The following SERPING1 variants were observed in gnomAD, a reference collection of about 807,000 sequenced individuals.
The protein encoded by SERPING1 is serpin family G member 1.
SERPING1 carries 5 observed loss-of-function variants against 34.1 expected under a neutral mutation model. The observed-to-expected ratio is 0.15, with a 90% CI of 0.08 to 0.31. The LOEUF (loss-of-function observed/expected upper bound fraction) is 0.31. SERPING1 is among the 10% of genes least tolerant of loss of function. SERPING1 has a pLI of 1.00. For synonymous variants in SERPING1, 225 were observed against 242.4 expected (o/e 0.93, Z 0.67); for missense variants, 505 against 609.5 (o/e 0.83, Z 1.81).
At chr11:57,598,188 G>GGGGTGGGGGCCCC in intron 1 of SERPING1, 61 bp from the exon 2 acceptor site, 2 of 1,334,952 alleles carry the variant, frequency 1.5e-6, no homozygotes, top group South Asian at 2.7e-5. Context: ...GGCCCCGGGC[G>GGGGTGGGGGCCCC]GGGTGGGGGC....
At chr11:57,600,596 T>C (rs965387340) in intron 3 of SERPING1, among the ~76,000 whole-genome samples, 4 of 152,224 alleles carry the variant, frequency 2.6e-5, no homozygotes, top group African/African-American at 9.6e-5. Context: ...TCTGTGACTA[T>C]ACAAGAACAT....
intron 6 of SERPING1, among the ~76,000 whole-genome samples, chr11:57,609,307 A>G (rs1307086125): frequency 6.6e-6 from 1 of 152,030 alleles, no homozygotes; most frequent in Non-Finnish European, 1.5e-5. Flanking sequence ...GGCTGGGTAC[A>G]GTGGCTCACG....
At chr11:57,600,515 G>A (rs2135309022) in intron 3 of SERPING1, 138 bp downstream of exon 3, 1 of 897,254 alleles carries the variant, frequency 1.1e-6, no homozygotes, top group Non-Finnish European at 1.8e-6. Flanking sequence ...TGGGGTAGAG[G>A]GATGTATCTT....
rs201188641 is a variant in SERPING1 at position 57,602,154 on chromosome 11, A to G, written c.670A>G (p.Ile224Val). Residue 224 changes from isoleucine (I) to valine (V), a missense_variant, in exon 4 of 8, where the codon ATC (isoleucine) becomes GTC (valine). Transcript: ENST00000278407. The part of the protein sequence containing the change: ...TTKGVTSVSQ[I>V]FHSPDLAIRD... ...CAAAGGTGTCACCTCAGTCTCTCAG[A>G]TCTTCCACAGCCCAGGTGAGTGCCC... 89 of 1,614,092 alleles carry G rather than the reference A, an allele frequency of 5.5e-5. 1 individual carries two copies. The highest frequency in any genetic ancestry group is 7.3e-5 in the Non-Finnish European group (86 of 1,180,042).
At chr11:57,598,640 G>C (rs181380115) in intron 2 of SERPING1, among the ~76,000 whole-genome samples, 2 of 152,300 alleles carry the variant, frequency 1.3e-5, no homozygotes, top group East Asian at 1.9e-4. Context: ...CACCAAGCAG[G>C]CTTGGCAGGA....
rs1175033080 is a variant in SERPING1 at position 57,602,018 on chromosome 11, T to A, written c.551-17T>A. ...ACTCATCCTGCAAGTATCTTTCATCTCTGCCCTTTGTTGCAGGGGCTGGGG... is the reference window on the plus strand; with the variant it reads ...ACTCATCCTGCAAGTATCTTTCATCACTGCCCTTTGTTGCAGGGGCTGGGG... On this transcript the variant is annotated splice_polypyrimidine_tract_variant and intron_variant, in intron 3 of 7. Transcript: ENST00000278407. 4 of 1,614,128 alleles carry A rather than the reference T, an allele frequency of 2.5e-6. No individual in the cohort carries two copies. The highest frequency in any genetic ancestry group is 3.4e-6 in the Non-Finnish European group (4 of 1,180,016).
chr11:57,601,968 C>A lies in SERPING1; in HGVS notation c.551-67C>A, dbSNP rs139988368. On this transcript the variant is annotated intron_variant, in intron 3 of 7. Coordinates refer to ENST00000278407, the MANE Select transcript of SERPING1 (RefSeq NM_000062.3). The stretch of plus-strand genomic sequence containing the variant: ...CCCTCCATTCCAGCCTGGTCCCCAA[C>A]CCTCATTCCCAAGGAAGGCCCCCGA... 6.3e-6 allele frequency: 10 copies of A among 1,599,880 alleles called. No homozygotes were observed. In the Admixed American group the frequency reaches 1.5e-4, roughly 24 times the overall value.
intron 6 of SERPING1, among the ~76,000 whole-genome samples, chr11:57,609,027 C>T (rs760893271): frequency 1.4e-4 from 21 of 152,004 alleles, no homozygotes; most frequent in Non-Finnish European, 2.8e-4. Flanking sequence ...GCCTATAATC[C>T]CAGCACTTTA....
intron 7 of SERPING1, among the ~76,000 whole-genome samples, chr11:57,612,706 C>T (rs189368082): frequency 5.3e-4 from 79 of 148,246 alleles, no homozygotes; most frequent in Middle Eastern, 4.1e-3. Context: ...CATGAGTCAC[C>T]GCGCCCAGCC....
chr11:57,599,967 C>T lies in SERPING1; in HGVS notation c.140C>T (p.Thr47Ile). Residue 47 changes from threonine (T) to isoleucine (I), a missense_variant, in exon 3 of 8, where the codon ACA becomes ATA. Physicochemically the swap from Thr to Ile is moderately conservative, Grantham distance 89. Transcript: ENST00000278407. ...GACAGAGGCGAAGGGAAGGTCGCAA[C>T]AACAGTTATCTCCAAGATGCTATTC... ...LQDRGEGKVA[T>I]TVISKMLFVE... The T allele has an allele frequency of 6.2e-7, 1 of 1,614,182 alleles. No homozygotes were observed. Among genetic ancestry groups the T allele is most frequent in the Non-Finnish European group, 8.5e-7 (1 of 1,180,034 alleles).
In SERPING1 at chr11:57,606,000, A is replaced by G; in HGVS notation, c.686-10A>G. 1 of 1,613,498 alleles carries G rather than the reference A, an allele frequency of 6.2e-7. No individual in the cohort carries two copies. ...AGGACTCATGCCTCCCTTTCTCAAC[A>G]TACCCCCAGACCTGGCCATAAGGGA... On this transcript the variant is annotated splice_polypyrimidine_tract_variant and intron_variant, in intron 4 of 7. Transcript: ENST00000278407.
At chr11:57,598,952 C>T (rs1945317618) in intron 2 of SERPING1, among the ~76,000 whole-genome samples, 1 of 151,684 alleles carries the variant, frequency 6.6e-6, no homozygotes, top group Non-Finnish European at 1.5e-5. Context: ...TGTGTGCACG[C>T]GCAAGTTGGT....
rs2454659 is a variant in SERPING1 at position 57,608,657 on chromosome 11, T to C, written c.1029+2110T>C. On this transcript the variant is annotated intron_variant, in intron 6 of 7. Transcript: ENST00000278407. ...CCTCCCTAGTAGCTGGGATTATAGGTGCCTGCCACCACTCCCAGCTAATTT... is the reference window on the plus strand; with the variant it reads ...CCTCCCTAGTAGCTGGGATTATAGGCGCCTGCCACCACTCCCAGCTAATTT... Among the ~76,000 whole-genome samples, 91,071 of 151,654 alleles carry C rather than the reference T, an allele frequency of 0.6. 28,172 individuals are homozygous for C. The highest frequency in any genetic ancestry group is 0.69 in the Non-Finnish European group (46,715 of 67,860).
At chr11:57,611,678 C>A (rs746674351) in intron 6 of SERPING1, 39 bp from the exon 7 acceptor site, 13 of 1,570,348 alleles carry the variant, frequency 8.3e-6, no homozygotes, top group South Asian at 1.1e-5. Context: ...GAGAGAGATG[C>A]GGTAGGAAGA....
At position 57,606,087 on chromosome 11, in the gene SERPING1, A is replaced by C; in HGVS notation, c.763A>C (p.Ser255Arg). The change falls in exon 5 of 8, where the codon AGT becomes CGT. Residue 255 changes from serine to arginine, a missense_variant. Physicochemically the swap from Ser to Arg is moderately radical, Grantham distance 110. Coordinates refer to ENST00000278407, the MANE Select transcript of SERPING1 (RefSeq NM_000062.3). ...CAGCCCCAGAGTCCTAAGCAACAACAGTGACGCCAACTTGGAGCTCATCAA... is the reference window on the plus strand; with the variant it reads ...CAGCCCCAGAGTCCTAAGCAACAACCGTGACGCCAACTTGGAGCTCATCAA... ...SSSPRVLSNN[S>R]DANLELINTW... The C allele has an allele frequency of 1.2e-6, 2 of 1,614,166 alleles. No homozygotes were observed. Among genetic ancestry groups the C allele is most frequent in the South Asian group, 2.2e-5 (2 of 91,078 alleles).
Position 57,600,055 on chromosome 11 carries a change from C to T in SERPING1, c.228C>T (p.Thr76=), listed in dbSNP as rs1419648728. The change falls in exon 3 of 8, where the codon ACC becomes ACT. Residue 76 remains threonine (T), a synonymous_variant. Coordinates refer to ENST00000278407, the MANE Select transcript of SERPING1 (RefSeq NM_000062.3). ...CCAACTCAACAACCAATTCAGCCAC[C>T]AAAATAACAGCTAATACCACTGATG... is the stretch of plus-strand genomic sequence containing the variant. ...PTTNSTTNSA[T]KITANTTDEP... 3 of 1,614,060 alleles carry T rather than the reference C, an allele frequency of 1.9e-6. No homozygotes were observed. Among genetic ancestry groups the T allele is most frequent in the Admixed American group, 3.3e-5 (2 of 59,988 alleles).
Position 57,599,997 on chromosome 11 carries a change from A to G in SERPING1, c.170A>G (p.Glu57Gly), listed in dbSNP as rs756225075. The change falls in exon 3 of 8, where the codon GAA (glutamate) becomes GGA (glycine). Residue 57 changes from glutamate (E) to glycine (G), a missense_variant. Transcript: ENST00000278407. ...GTTATCTCCAAGATGCTATTCGTTGAACCCATCCTGGAGGTTTCCAGCTTG... is the reference window on the plus strand; with the variant it reads ...GTTATCTCCAAGATGCTATTCGTTGGACCCATCCTGGAGGTTTCCAGCTTG... The part of the protein sequence containing the change: ...TTVISKMLFV[E>G]PILEVSSLPT... 2 of 1,614,216 alleles carry G rather than the reference A, an allele frequency of 1.2e-6. No individual in the cohort carries two copies. The highest frequency in any genetic ancestry group is 1.7e-5 in the Admixed American group (1 of 60,016).
At chr11:57,607,711 G>C (rs1422317531) in intron 6 of SERPING1, among the ~76,000 whole-genome samples, 1 of 152,228 alleles carries the variant, frequency 6.6e-6, no homozygotes, top group Non-Finnish European at 1.5e-5. Flanking sequence ...TCAAGCTGCA[G>C]TGCATTGACA....
intron 6 of SERPING1, among the ~76,000 whole-genome samples, chr11:57,610,524 G>A (rs987999267): frequency 1.4e-4 from 22 of 152,298 alleles, no homozygotes; most frequent in African/African-American, 5.1e-4. Flanking sequence ...TTCAGGTTCC[G>A]ACAATTGATT....
Sources: gnomAD v4.1 joint callset for allele counts (sites outside exome capture counted in the v4.1 genomes callset) on GRCh38, gnomAD v4.1.1 for gene constraint, MANE v1.5 for transcripts, NCBI Gene and HGNC (gene_info 2026-07-23, HGNC 2026-07-21) for gene names.